CTNND2: variants seen among roughly 807,000 people sequenced by gnomAD.
CTNND2 encodes the protein catenin delta 2, also known as catenin delta-2.
Under a neutral mutation model 144.4 loss-of-function variants are expected in CTNND2, and 22 were observed. The ratio of observed to expected loss-of-function variants is 0.15; its 90% CI spans 0.11 to 0.22. The LOEUF (loss-of-function observed/expected upper bound fraction) is 0.22. Ranked by LOEUF, CTNND2 falls within the 10% of genes least tolerant of loss-of-function variation. The pLI, the probability that CTNND2 is intolerant of heterozygous loss-of-function variation, is 1.00. For missense variants in CTNND2, 1,353 were observed against 1,618.8 expected, an observed-to-expected ratio of 0.84 and a Z score of 2.82; for synonymous variants, 751 against 695.6, an observed-to-expected ratio of 1.08 and a Z score of -1.25.
At chr5:11,066,930 C>A (rs76373064) in intron 16 of CTNND2, among the ~76,000 whole-genome samples, 3,561 of 152,256 alleles carry the variant, frequency 0.023, 151 homozygotes, top group African/African-American at 0.081. Context: ...GACCAAAAAG[C>A]AAGACCAAAG....
intron 21 of CTNND2, among the ~76,000 whole-genome samples, chr5:10,977,903 G>A (rs184785050): frequency 1.2e-3 from 177 of 152,356 alleles, no homozygotes; most frequent in Admixed American, 5.0e-3. Context: ...GGTCACAGGA[G>A]CAGCACCCAC....
intron 1 of CTNND2, among the ~76,000 whole-genome samples, chr5:11,888,488 G>A (rs901885184): frequency 2.6e-5 from 4 of 152,072 alleles, no homozygotes; most frequent in African/African-American, 9.7e-5. Flanking sequence ...ATCTCCCTTA[G>A]TATTTGAAAA....
At chr5:11,080,434 T>C (rs1443295928) in intron 16 of CTNND2, among the ~76,000 whole-genome samples, 1 of 152,230 alleles carries the variant, frequency 6.6e-6, no homozygotes, top group African/African-American at 2.4e-5. Context: ...AAAAGCTAAA[T>C]ATAGAATTAC....
intron 18 of CTNND2, among the ~76,000 whole-genome samples, chr5:11,003,173 G>A (rs572008577): frequency 2.0e-5 from 3 of 152,190 alleles, no homozygotes; most frequent in African/African-American, 7.2e-5. Context: ...CACAAAGCTT[G>A]TCAAGTCTAA....
At position 11,384,558 on chromosome 5, in the gene CTNND2, C is replaced by T; in HGVS notation, c.1177+107G>A. 9.7e-7 allele frequency: 1 copy of T among 1,031,886 alleles called. No individual in the cohort carries two copies. Among genetic ancestry groups the T allele is most frequent in the African/African-American group, 1.6e-5 (1 of 61,726 alleles). The allele number at this position is 1,031,886 out of a possible 1,614,324, so 63.9% of individuals were successfully genotyped here. ...TCTCTGTCTCCTGCAACTACTACAA[C>T]CTGGCAGACAGCGCGCCCGGCTTCG... On this transcript the variant is annotated intron_variant, in intron 7 of 21. Coordinates refer to ENST00000304623, the MANE Select transcript of CTNND2 (RefSeq NM_001332.4). This position sits in a 1 kb window ranked among gnomAD's most constrained non-coding sequence, Gnocchi z 5.2.
At chr5:11,070,512 T>C (rs540322437) in intron 16 of CTNND2, among the ~76,000 whole-genome samples, 3 of 152,242 alleles carry the variant, frequency 2.0e-5, no homozygotes, top group South Asian at 2.1e-4. Flanking sequence ...ATACATGTAA[T>C]TGAATTCCCA....
chr5:11,304,910 C>G (rs961537180), intron 9 of CTNND2, among the ~76,000 whole-genome samples: 1 of 152,144 alleles, frequency 6.6e-6, no homozygotes, highest in Admixed American at 6.5e-5. Flanking sequence ...TTAAGAAGCA[C>G]GTTATCCCAA....
chr5:11,483,520 T>C (rs901981051), intron 3 of CTNND2, among the ~76,000 whole-genome samples: 4 of 152,360 alleles, frequency 2.6e-5, no homozygotes, highest in Admixed American at 2.6e-4. Flanking sequence ...TTTCACATTG[T>C]TGCCCAGTGT....
At chr5:10,975,734 G>A (rs1050904934) in intron 21 of CTNND2, among the ~76,000 whole-genome samples, 3 of 152,232 alleles carry the variant, frequency 2.0e-5, no homozygotes, top group South Asian at 4.1e-4. Context: ...AGACCAAGAA[G>A]CGGTGTGTTT....
At chr5:11,626,889 T>C (rs1053703038) in intron 2 of CTNND2, among the ~76,000 whole-genome samples, 4 of 152,210 alleles carry the variant, frequency 2.6e-5, no homozygotes, top group Non-Finnish European at 4.4e-5. Context: ...GTTTTAAAAA[T>C]TGTGCCAAAT....
At chr5:11,891,558 G>C (rs1325671778) in intron 1 of CTNND2, among the ~76,000 whole-genome samples, 1 of 152,168 alleles carries the variant, frequency 6.6e-6, no homozygotes, top group Admixed American at 6.5e-5. Context: ...GTTAGATTAG[G>C]TGATGGGGAT....
chr5:11,529,665 G>A (rs1429196792), intron 3 of CTNND2, among the ~76,000 whole-genome samples: 1 of 152,134 alleles, frequency 6.6e-6, no homozygotes, highest in African/African-American at 2.4e-5. Flanking sequence ...ATATGAATGG[G>A]GTCTCCAGAG....
At position 11,429,321 on chromosome 5, in the gene CTNND2, T is replaced by C. The variant is rs78046902; in HGVS notation, c.288-17252A>G. 4.1e-3 allele frequency among the ~76,000 whole-genome samples: 617 copies of C among 152,324 alleles called. 4 individuals are homozygous for C. The highest frequency in any genetic ancestry group is 0.013 in the African/African-American group (535 of 41,570). The stretch of plus-strand genomic sequence containing the variant: ...AAACATTATTTTCACTTATAAATGT[T>C]CCATGATGTGTTCCTAGTGGCTTCT... On this transcript the variant is annotated intron_variant, in intron 3 of 21. Transcript: ENST00000304623.
chr5:11,078,138 A>T (rs940856721), intron 16 of CTNND2, among the ~76,000 whole-genome samples: 7 of 152,182 alleles, frequency 4.6e-5, no homozygotes, highest in African/African-American at 1.7e-4. Context: ...ATATGATGTC[A>T]CCCTAGCCTT....
At chr5:11,440,443 C>A (rs1375926235) in intron 3 of CTNND2, among the ~76,000 whole-genome samples, 1 of 152,110 alleles carries the variant, frequency 6.6e-6, no homozygotes, top group Non-Finnish European at 1.5e-5. Flanking sequence ...ATAAGACAGG[C>A]AATTTACCTT....
At chr5:11,356,832 C>CAAA (rs1002684532) in intron 8 of CTNND2, among the ~76,000 whole-genome samples, 1 of 139,106 alleles carries the variant, frequency 7.2e-6, no homozygotes. Flanking sequence ...AACTCAACAG[C>CAAA]AAAAAAAAAA....
intron 1 of CTNND2, among the ~76,000 whole-genome samples, chr5:11,768,540 C>G (rs973105433): frequency 3.9e-5 from 6 of 152,202 alleles, no homozygotes; most frequent in Non-Finnish European, 5.9e-5. Flanking sequence ...ATCGGCCCAC[C>G]TTGGCCTCCC....
chr5:11,235,213 C>T (rs981191981), intron 10 of CTNND2, among the ~76,000 whole-genome samples: 2 of 152,028 alleles, frequency 1.3e-5, no homozygotes, highest in Non-Finnish European at 2.9e-5. Flanking sequence ...TCAGAGAAAC[C>T]CTCAAAGTTA....
At chr5:11,762,357 A>C (rs575853233) in intron 1 of CTNND2, among the ~76,000 whole-genome samples, 1 of 152,266 alleles carries the variant, frequency 6.6e-6, no homozygotes, top group East Asian at 1.9e-4. Flanking sequence ...ATAGAAACGT[A>C]AGTTTTGGTT....
Sources: allele counts gnomAD v4.1 joint callset (sites outside exome capture counted in the v4.1 genomes callset), GRCh38; gene constraint gnomAD v4.1.1; non-coding constraint Gnocchi (gnomAD v3.1); transcripts MANE v1.5; gene names NCBI Gene and HGNC (gene_info 2026-07-23, HGNC 2026-07-21).